TRIM44: variants seen among roughly 807,000 people sequenced by gnomAD.
TRIM44 encodes the protein tripartite motif containing 44.
In TRIM44, 13 loss-of-function variants were observed where a neutral mutation model predicts 37.4. The observed-to-expected ratio is 0.35, with a 90% CI of 0.23 to 0.55. The LOEUF (loss-of-function observed/expected upper bound fraction) is 0.55, where lower values mean the gene tolerates loss of function less well. Ranked by LOEUF, TRIM44 falls within the 20% of genes least tolerant of loss-of-function variation. The probability of loss-of-function intolerance (pLI) is 0.89; values close to 1 mark genes in which losing one functional copy is unlikely to be tolerated. For missense variants in TRIM44, 426 were observed against 437.2 expected (o/e 0.97, Z 0.23); for synonymous variants, 175 against 157.2 (o/e 1.11, Z -0.85).
At chr11:35,758,917 C>A (rs1480312531) in intron 4 of TRIM44, among the ~76,000 whole-genome samples, 1 of 152,194 alleles carries the variant, frequency 6.6e-6, no homozygotes, top group East Asian at 1.9e-4. Flanking sequence ...ACCTTTCTCT[C>A]TGGCTGCCCT....
In TRIM44 at chr11:35,663,437, AAG is replaced by A; in HGVS notation, c.331_332del (p.Ser111ArgfsTer7). Reference sequence around the variant, plus strand: ...TCGGAGGAAGAGAGCGAGTCAGAGGAAGAGAGCGAGACAGAGGAAGAGAGTGA... The same window carrying A: ...TCGGAGGAAGAGAGCGAGTCAGAGGAAGAGCGAGACAGAGGAAGAGAGTGA... On this transcript the variant is annotated frameshift_variant, in exon 1 of 5. Transcript: ENST00000299413. LOFTEE classifies it high-confidence loss of function. 6.4e-7 allele frequency: 1 copy of A among 1,569,002 alleles called. No homozygotes were observed. Among genetic ancestry groups the A allele is most frequent in the Non-Finnish European group, 8.6e-7 (1 of 1,156,426 alleles).
chr11:35,753,064 C>A (rs2970326), intron 4 of TRIM44, among the ~76,000 whole-genome samples: 1 of 151,868 alleles, frequency 6.6e-6, no homozygotes, highest in African/African-American at 2.4e-5. Context: ...TGCAGAAAAC[C>A]CTGGTTTGGA....
intron 1 of TRIM44, among the ~76,000 whole-genome samples, chr11:35,674,217 GGAGA>G (rs560545193): frequency 1.2e-4 from 17 of 142,254 alleles, no homozygotes; most frequent in South Asian, 4.4e-4. Flanking sequence ...TGTGTGAGTG[GGAGA>G]GAGAGAGAAT....
intron 1 of TRIM44, among the ~76,000 whole-genome samples, chr11:35,680,025 C>T (rs894307061): frequency 2.0e-5 from 3 of 152,118 alleles, no homozygotes; most frequent in Admixed American, 6.6e-5. Flanking sequence ...TCATGTACAG[C>T]CCAAATTTTA....
intron 2 of TRIM44, among the ~76,000 whole-genome samples, chr11:35,715,429 T>TGTGG (rs1554930082): frequency 1.5e-4 from 22 of 148,956 alleles, no homozygotes; most frequent in African/African-American, 5.3e-4. Flanking sequence ...TGTGTGTGTG[T>TGTGG]GGGTGTGGGT....
intron 2 of TRIM44, among the ~76,000 whole-genome samples, chr11:35,708,871 C>G (rs1317931387): frequency 6.6e-6 from 1 of 151,660 alleles, no homozygotes; most frequent in Non-Finnish European, 1.5e-5. Flanking sequence ...TGTAACTAAC[C>G]TGCACATTGT....
chr11:35,752,209 A>G (rs1852567542), intron 4 of TRIM44, among the ~76,000 whole-genome samples: 1 of 151,464 alleles, frequency 6.6e-6, no homozygotes, highest in Non-Finnish European at 1.5e-5. Flanking sequence ...GATTTGTCCT[A>G]AGTATATATC....
intron 4 of TRIM44, among the ~76,000 whole-genome samples, chr11:35,793,937 ATTAG>A (rs1189441761): frequency 6.6e-6 from 1 of 151,646 alleles, no homozygotes; most frequent in Non-Finnish European, 1.5e-5. Context: ...GAAGTGATTA[ATTAG>A]TTCAGTGTCT....
At chr11:35,748,263 G>T (rs1852516727) in intron 4 of TRIM44, among the ~76,000 whole-genome samples, 1 of 152,196 alleles carries the variant, frequency 6.6e-6, no homozygotes, top group South Asian at 2.1e-4. Context: ...CATACTTGTT[G>T]TGGGTGTCTA....
chr11:35,758,749 T>C (rs1215917035), intron 4 of TRIM44, among the ~76,000 whole-genome samples: 2 of 152,202 alleles, frequency 1.3e-5, no homozygotes, highest in Admixed American at 1.3e-4. Context: ...TATTTCTCCT[T>C]CACTTATGAA....
chr11:35,670,504 A>G (rs572817575), intron 1 of TRIM44, among the ~76,000 whole-genome samples: 32 of 152,304 alleles, frequency 2.1e-4, no homozygotes, highest in African/African-American at 7.5e-4. Flanking sequence ...TGGAGTTACA[A>G]GGTTTTGGGA....
chr11:35,682,043 C>T (rs1028773888), intron 1 of TRIM44, among the ~76,000 whole-genome samples: 4 of 147,154 alleles, frequency 2.7e-5, no homozygotes, highest in African/African-American at 1.0e-4. Context: ...ACTGTAGCCT[C>T]TGCCTCCCAG....
chr11:35,789,990 T>C (rs1590602763), intron 4 of TRIM44, among the ~76,000 whole-genome samples: 2 of 152,310 alleles, frequency 1.3e-5, no homozygotes, highest in South Asian at 2.1e-4. Flanking sequence ...TGTAGAATTA[T>C]GTCATTTGGG....
At chr11:35,782,241 A>G (rs1196036649) in intron 4 of TRIM44, among the ~76,000 whole-genome samples, 3 of 152,194 alleles carry the variant, frequency 2.0e-5, no homozygotes, top group African/African-American at 7.2e-5. Context: ...AACTTCCTAG[A>G]GGAGACATTG....
chr11:35,677,546 T>C (rs972282286), intron 1 of TRIM44, among the ~76,000 whole-genome samples: 1 of 152,162 alleles, frequency 6.6e-6, no homozygotes, highest in Non-Finnish European at 1.5e-5. Context: ...ACTTAGCTTG[T>C]ACTGCTTCTC....
chr11:35,727,203 G>C (rs1684941974), intron 3 of TRIM44, among the ~76,000 whole-genome samples: 1 of 151,710 alleles, frequency 6.6e-6, no homozygotes, highest in Non-Finnish European at 1.5e-5. Flanking sequence ...CCACTAGAGA[G>C]AGGCTACTAT....
intron 4 of TRIM44, among the ~76,000 whole-genome samples, chr11:35,765,146 A>G (rs940797211): frequency 2.6e-4 from 40 of 152,254 alleles, no homozygotes; most frequent in African/African-American, 9.1e-4. Context: ...TACAGAAAAA[A>G]TTTAAATCTT....
At chr11:35,680,817 A>G (rs1346424911) in intron 1 of TRIM44, among the ~76,000 whole-genome samples, 2 of 152,168 alleles carry the variant, frequency 1.3e-5, no homozygotes, top group East Asian at 3.8e-4. Flanking sequence ...TTTCAGGCTG[A>G]TGGGTAAGAA....
intron 4 of TRIM44, among the ~76,000 whole-genome samples, chr11:35,781,214 C>G (rs1853061820): frequency 6.6e-6 from 1 of 152,022 alleles, no homozygotes; most frequent in Non-Finnish European, 1.5e-5. Context: ...GCAGGGAGTT[C>G]AGACCCCATC....
Sources: allele counts gnomAD v4.1 joint callset (sites outside exome capture counted in the v4.1 genomes callset), GRCh38; gene constraint gnomAD v4.1.1; transcripts MANE v1.5; gene names NCBI Gene and HGNC (gene_info 2026-07-23, HGNC 2026-07-21).